The following GLIPR2 variants were observed in gnomAD, a reference collection of about 807,000 sequenced individuals.
GLIPR2 encodes GLI pathogenesis related 2.
In GLIPR2, 21 loss-of-function variants were observed where a neutral mutation model predicts 20.4. The observed-to-expected ratio is 1.03, with a 90% CI of 0.73 to 1.48. The LOEUF (loss-of-function observed/expected upper bound fraction) is 1.48, where lower values mean the gene tolerates loss of function less well. Among genes scored for constraint, GLIPR2 ranks in the 40% most tolerant of loss-of-function variants. GLIPR2 has a pLI of 0.00. For missense variants in GLIPR2, 205 were observed against 200.1 expected (o/e 1.02, Z -0.15); for synonymous variants, 91 against 80.5 (o/e 1.13, Z -0.70).
chr9:36,161,042 A>C (rs1232906160), intron 4 of GLIPR2, among the ~76,000 whole-genome samples: 1 of 148,650 alleles, frequency 6.7e-6, no homozygotes. Context: ...GACTCGTCTC[A>C]AAAAAAAAAG....
At chr9:36,151,107 G>T in intron 4 of GLIPR2, 158 bp downstream of exon 4, 1 of 629,350 alleles carries the variant, frequency 1.6e-6, no homozygotes, top group Admixed American at 2.5e-5. Context: ...ACAGACCAAA[G>T]CTCTCCTTTC....
At chr9:36,144,072 G>T (rs149638313) in intron 1 of GLIPR2, among the ~76,000 whole-genome samples, 2 of 152,258 alleles carry the variant, frequency 1.3e-5, no homozygotes, top group African/African-American at 4.8e-5. Context: ...ACAGGGACCA[G>T]GCTGGGGAAG....
chr9:36,145,088 A>T (rs903707455), intron 1 of GLIPR2: 1 of 151,484 alleles, frequency 6.6e-6, no homozygotes, highest in Non-Finnish European at 1.5e-5. Context: ...TATGGTTCAC[A>T]CCCTTCCTGC....
chr9:36,141,695 G>T, intron 1 of GLIPR2: 1 of 381,310 alleles, frequency 2.6e-6, no homozygotes, highest in South Asian at 2.0e-5. Flanking sequence ...GCTCTGTCAC[G>T]CAGGCTGGAG....
chr9:36,144,358 G>C (rs1191679939), intron 1 of GLIPR2: 1 of 152,204 alleles, frequency 6.6e-6, no homozygotes, highest in Non-Finnish European at 1.5e-5. Flanking sequence ...GTAGTGTTAA[G>C]TATATTTACA....
At chr9:36,141,515 C>G (rs1326347070) in intron 1 of GLIPR2, among the ~76,000 whole-genome samples, 1 of 152,140 alleles carries the variant, frequency 6.6e-6, no homozygotes, top group Non-Finnish European at 1.5e-5. Flanking sequence ...CTGGCTCTTT[C>G]ATGAGGAGCC....
chr9:36,151,949 C>A (rs1023383943), intron 4 of GLIPR2, among the ~76,000 whole-genome samples: 1 of 152,184 alleles, frequency 6.6e-6, no homozygotes, highest in Non-Finnish European at 1.5e-5. Context: ...CCACCTGTTC[C>A]ACCCACAAGT....
At chr9:36,150,562 G>C (rs553452348) in intron 3 of GLIPR2, among the ~76,000 whole-genome samples, 1 of 152,360 alleles carries the variant, frequency 6.6e-6, no homozygotes, top group South Asian at 2.1e-4. Context: ...GAGGCCCAGA[G>C]AGGGAAGGCT....
intron 4 of GLIPR2, among the ~76,000 whole-genome samples, chr9:36,156,401 A>T (rs962886984): frequency 2.0e-5 from 3 of 148,346 alleles, no homozygotes; most frequent in Admixed American, 6.6e-5. Context: ...AAAAAAAAAA[A>T]AAAAAAAAAA....
At chr9:36,161,459 T>C (rs1240054347) in intron 4 of GLIPR2, among the ~76,000 whole-genome samples, 1 of 151,504 alleles carries the variant, frequency 6.6e-6, no homozygotes, top group South Asian at 2.1e-4. Flanking sequence ...AGAAATAAAT[T>C]TGGGAGCCAG....
rs1563882821 is a variant in GLIPR2 at position 36,148,569 on chromosome 9, A to C, written c.145A>C (p.Thr49Pro). ...CAGGTATTCTGAGGCCCTGGCCAGC[A>C]CGAGGATCCTCAAGCACAGCCCGGA... ...AQQYSEALAS[T>P]RILKHSPESS... is the part of the protein sequence containing the mutation. The change falls in exon 3 of 5, where the codon ACG becomes CCG. Residue 49 changes from threonine to proline, a missense_variant. Transcript: ENST00000377960. 1 of 1,613,938 alleles carries C rather than the reference A, an allele frequency of 6.2e-7. No individual in the cohort carries two copies. The highest frequency in any genetic ancestry group is 8.5e-7 in the Non-Finnish European group (1 of 1,179,798).
chr9:36,145,380 T>A, intron 1 of GLIPR2, among the ~76,000 whole-genome samples: 1 of 149,796 alleles, frequency 6.7e-6, no homozygotes, highest in South Asian at 2.1e-4. Flanking sequence ...CTTACCTGCA[T>A]CTTGGCACCT....
rs143340419 is a variant in GLIPR2, at chr9:36,140,875, G to A, written c.13+4084G>A. Reference sequence around the variant, plus strand: ...GTAATGAAGAGAGGAATCCTGTCCCGCCTTCGCTGTGCTGGAGTGAGAACC... The same window carrying A: ...GTAATGAAGAGAGGAATCCTGTCCCACCTTCGCTGTGCTGGAGTGAGAACC... On this transcript the variant is annotated intron_variant, in intron 1 of 4. Transcript: ENST00000377960. 2.1e-3 allele frequency among the ~76,000 whole-genome samples: 321 copies of A among 152,140 alleles called. 1 individual carries two copies. The highest frequency in any genetic ancestry group is 0.014 in the Middle Eastern group (4 of 294).
In GLIPR2 at chr9:36,141,990, A is replaced by G. The variant is rs10972757; in HGVS notation, c.13+5199A>G. Reference sequence around the variant, plus strand: ...CCCTCAGCCCTGGGGAGCCAGGCCCAGGGCTTTTAGCAGCTCTGACCTTTA... The same window carrying G: ...CCCTCAGCCCTGGGGAGCCAGGCCCGGGGCTTTTAGCAGCTCTGACCTTTA... On this transcript the variant is annotated intron_variant, in intron 1 of 4. Transcript: ENST00000377960. 3.1e-4 allele frequency: 129 copies of G among 411,858 alleles called. No individual in the cohort carries two copies. In the East Asian group the frequency reaches 7.9e-3, roughly 25 times the overall value. The allele number at this position is 411,858 out of a possible 1,614,324, so 25.5% of individuals were successfully genotyped here. A position where few individuals can be genotyped will look rare whatever the true frequency, so the allele number is the denominator to read the frequency against.
chr9:36,150,457 G>A (rs1425229979), intron 3 of GLIPR2, among the ~76,000 whole-genome samples: 1 of 152,220 alleles, frequency 6.6e-6, no homozygotes, highest in Non-Finnish European at 1.5e-5. Context: ...TTCAAGAGCT[G>A]CAAATGGGGT....
chr9:36,141,641 C>T lies in GLIPR2; in HGVS notation c.13+4850C>T, dbSNP rs187490486. Among the ~76,000 whole-genome samples the T allele has an allele frequency of 9.4e-4, 143 of 152,124 alleles. 1 individual carries two copies. The highest frequency in any genetic ancestry group is 3.4e-3 in the Middle Eastern group (1 of 294). On this transcript the variant is annotated intron_variant, in intron 1 of 4. Transcript: ENST00000377960. ...TAAATGGTAGAGGAGGGGCATAGAC[C>T]TCCTCAGAATCTTTTTTTTCTTTTT... is the stretch of plus-strand genomic sequence containing the variant.
intron 4 of GLIPR2, among the ~76,000 whole-genome samples, chr9:36,156,613 G>C (rs1825844780): frequency 3.9e-5 from 6 of 152,104 alleles, no homozygotes; most frequent in Admixed American, 3.9e-4. Flanking sequence ...GACCTGTATG[G>C]GCCCATGGCC....
intron 1 of GLIPR2, chr9:36,141,906 G>C: frequency 2.2e-6 from 1 of 455,390 alleles, no homozygotes; most frequent in Non-Finnish European, 4.4e-6. Flanking sequence ...CGAGAACCCA[G>C]TGCAGCCCCA....
chr9:36,153,316 C>T (rs1018727488), intron 4 of GLIPR2, among the ~76,000 whole-genome samples: 1 of 152,142 alleles, frequency 6.6e-6, no homozygotes, highest in Admixed American at 6.6e-5. Context: ...ACTGACTACT[C>T]GTTTCACTCA....
Sources: gnomAD v4.1 joint callset for allele counts (sites outside exome capture counted in the v4.1 genomes callset) on GRCh38, gnomAD v4.1.1 for gene constraint, MANE v1.5 for transcripts, NCBI Gene and HGNC (gene_info 2026-07-23, HGNC 2026-07-21) for gene names.